Variants in PHC2 observed in about 807,000 individuals in gnomAD.
PHC2 encodes the protein polyhomeotic homolog 2.
Under a neutral mutation model 87.4 loss-of-function variants are expected in PHC2, and 29 were observed. The ratio of observed to expected loss-of-function variants is 0.33; its 90% CI spans 0.25 to 0.45. The LOEUF is 0.45. Ranked by LOEUF, PHC2 falls within the 20% of genes least tolerant of loss-of-function variation. The pLI is 1.00. For missense variants in PHC2, 857 were observed against 1,136.7 expected, an observed-to-expected ratio of 0.75 and a Z score of 3.54; for synonymous variants, 438 against 461.7, an observed-to-expected ratio of 0.95 and a Z score of 0.66.
At chr1:33,360,130 G>A (rs1647167289) in intron 7 of PHC2, among the ~76,000 whole-genome samples, 3 of 152,232 alleles carry the variant, frequency 2.0e-5, no homozygotes, top group Admixed American at 6.5e-5. Context: ...ATGGGGTCAG[G>A]AGGAGTTTGA....
chr1:33,424,808 G>A (rs1019844103), intron 1 of PHC2, among the ~76,000 whole-genome samples: 2 of 152,166 alleles, frequency 1.3e-5, no homozygotes, highest in Admixed American at 6.5e-5. Flanking sequence ...TAAGCAAGGA[G>A]TCAGATTCTT....
At chr1:33,424,017 A>G (rs1364055326) in intron 1 of PHC2, among the ~76,000 whole-genome samples, 2 of 80,382 alleles carry the variant, frequency 2.5e-5, no homozygotes, top group South Asian at 4.4e-4. Context: ...AATCGCTTGA[A>G]CCTGGGAGGC....
chr1:33,345,510 A>G, intron 9 of PHC2: 1 of 973,798 alleles, frequency 1.0e-6, no homozygotes, highest in Non-Finnish European at 1.2e-6. Flanking sequence ...AGAAGGAAAC[A>G]AAAAAAACCT....
At chr1:33,411,060 T>G (rs1441362979) in intron 1 of PHC2, among the ~76,000 whole-genome samples, 1 of 152,186 alleles carries the variant, frequency 6.6e-6, no homozygotes, top group East Asian at 1.9e-4. Flanking sequence ...ATGGAATGAA[T>G]TACATTTCGA....
intron 1 of PHC2, among the ~76,000 whole-genome samples, chr1:33,378,566 A>G (rs186363900): frequency 1.4e-3 from 216 of 152,372 alleles, no homozygotes; most frequent in Non-Finnish European, 2.5e-3. Flanking sequence ...TTAAGAGGGT[A>G]GAATAATCTA....
chr1:33,362,057 G>A (rs1189789235), intron 7 of PHC2, among the ~76,000 whole-genome samples: 1 of 152,190 alleles, frequency 6.6e-6, no homozygotes, highest in African/African-American at 2.4e-5. Context: ...CCACTGTAAC[G>A]CTCTGCCTCC....
At chr1:33,392,352 C>T (rs943286953) in intron 1 of PHC2, among the ~76,000 whole-genome samples, 1 of 152,160 alleles carries the variant, frequency 6.6e-6, no homozygotes, top group Non-Finnish European at 1.5e-5. Context: ...TATCTTAAAG[C>T]ATGCTTTTTT....
intron 9 of PHC2, among the ~76,000 whole-genome samples, chr1:33,352,344 G>A (rs1646989420): frequency 6.6e-6 from 1 of 152,142 alleles, no homozygotes; most frequent in Admixed American, 6.5e-5. Flanking sequence ...ATGAATAGCA[G>A]AATTCAGATA....
At chr1:33,372,152 G>T in intron 3 of PHC2, 137 bp downstream of exon 3, 1 of 785,166 alleles carries the variant, frequency 1.3e-6, no homozygotes, top group Non-Finnish European at 2.0e-6. Flanking sequence ...TGACAGTAGT[G>T]CTCGTGTCAC....
rs1647032621 is a variant in PHC2, at chr1:33,354,569, G to C, written c.1393-3C>G. On this transcript the variant is annotated splice_region_variant and splice_polypyrimidine_tract_variant and intron_variant, in intron 8 of 14. Coordinates refer to ENST00000683057, the MANE Select transcript of PHC2 (RefSeq NM_001385109.1). ...TCATCAGGGACACACTGCTGGGGCT[G>C]TCAAAGGACAGGACAGAGAGGGGGG... The C allele has an allele frequency of 1.2e-6, 2 of 1,612,176 alleles. No homozygotes were observed. Among genetic ancestry groups the C allele is most frequent in the Non-Finnish European group, 1.7e-6 (2 of 1,178,990 alleles).
intron 7 of PHC2, among the ~76,000 whole-genome samples, chr1:33,366,879 C>T (rs951042778): frequency 6.6e-6 from 1 of 152,190 alleles, no homozygotes; most frequent in African/African-American, 2.4e-5. Flanking sequence ...ATCGCTGTGC[C>T]TACAGTGCAG....
intron 1 of PHC2, among the ~76,000 whole-genome samples, chr1:33,404,062 C>T (rs1270011283): frequency 6.6e-6 from 1 of 152,172 alleles, no homozygotes. Context: ...TCAGACCTCT[C>T]CTCTGAGTGA....
intron 7 of PHC2, among the ~76,000 whole-genome samples, chr1:33,365,278 C>T (rs994183058): frequency 1.3e-5 from 2 of 152,186 alleles, no homozygotes; most frequent in African/African-American, 2.4e-5. Flanking sequence ...TAGCACACGA[C>T]GGACGTCCTG....
intron 13 of PHC2, among the ~76,000 whole-genome samples, chr1:33,329,795 C>T (rs367933478): frequency 1.3e-5 from 2 of 152,174 alleles, no homozygotes; most frequent in Non-Finnish European, 2.9e-5. Flanking sequence ...ACCCCATTTC[C>T]GTGGCCCCAG....
chr1:33,423,001 G>C (rs1650488803), intron 1 of PHC2, among the ~76,000 whole-genome samples: 1 of 152,068 alleles, frequency 6.6e-6, no homozygotes, highest in South Asian at 2.1e-4. Flanking sequence ...GGTAGGGACT[G>C]TGATTCTCCC....
intron 1 of PHC2, among the ~76,000 whole-genome samples, chr1:33,422,955 C>G (rs1650487187): frequency 6.6e-6 from 1 of 151,998 alleles, no homozygotes; most frequent in African/African-American, 2.4e-5. Flanking sequence ...TTATGTACCT[C>G]ACATTATTAA....
At chr1:33,357,864 C>A (rs1647121864) in intron 7 of PHC2, among the ~76,000 whole-genome samples, 1 of 152,146 alleles carries the variant, frequency 6.6e-6, no homozygotes, top group Non-Finnish European at 1.5e-5. Flanking sequence ...AATGCAAAAT[C>A]ATGGATTCCT....
At position 33,332,220 on chromosome 1, in the gene PHC2, C is replaced by A; in HGVS notation, c.1891+55G>T. The A allele has an allele frequency of 1.9e-6, 3 of 1,608,838 alleles. No individual in the cohort carries two copies. The highest frequency in any genetic ancestry group is 1.7e-5 in the Admixed American group (1 of 59,920). ...AAACAGAGAGAGGAAGTGTGTGAGG[C>A]CTGCCTTTCCAGCCACGCTGGGAGG... On this transcript the variant is annotated intron_variant, in intron 11 of 14. Transcript: ENST00000683057. This position sits in a 1 kb window ranked among gnomAD's most constrained non-coding sequence, Gnocchi z 4.2.
intron 7 of PHC2, among the ~76,000 whole-genome samples, chr1:33,361,593 G>A (rs984618686): frequency 3.3e-5 from 5 of 152,206 alleles, no homozygotes; most frequent in East Asian, 1.9e-4. Flanking sequence ...CGCCTGTCTC[G>A]GGGCCTCCCA....
Sources: gnomAD v4.1 joint callset for allele counts (sites outside exome capture counted in the v4.1 genomes callset) on GRCh38, gnomAD v4.1.1 for gene constraint, Gnocchi (gnomAD v3.1) non-coding constraint, MANE v1.5 for transcripts, NCBI Gene and HGNC (gene_info 2026-07-23, HGNC 2026-07-21) for gene names.